The following CNKSR2 variants were observed in gnomAD, a reference collection of about 807,000 sequenced individuals.
CNKSR2 encodes the protein CNK homolog protein 2.
In CNKSR2, 14 loss-of-function variants were observed where a neutral mutation model predicts 84.4. That is an observed-to-expected ratio of 0.17 (90% CI 0.11 to 0.26). The LOEUF is 0.26. Ranked by LOEUF, CNKSR2 falls within the 10% of genes least tolerant of loss-of-function variation. The pLI is 1.00. For missense variants in CNKSR2, 485 were observed against 771.2 expected (o/e 0.63, Z 4.40); for synonymous variants, 275 against 277.9 (o/e 0.99, Z 0.10).
intron 8 of CNKSR2, among the ~76,000 whole-genome samples, chrX:21,512,503 C>T (rs1678364457): frequency 9.0e-6 from 1 of 111,417 alleles, no homozygotes; most frequent in Non-Finnish European, 1.9e-5. Flanking sequence ...CTTTGGAGAG[C>T]TATTAAAGGT....
intron 1 of CNKSR2, among the ~76,000 whole-genome samples, chrX:21,412,207 C>T (rs2090354632): frequency 9.0e-6 from 1 of 111,684 alleles, no homozygotes; most frequent in South Asian, 3.7e-4. Flanking sequence ...CAAGTTTGCC[C>T]TTTACAATGG....
chrX:21,450,077 G>A (rs998765954), intron 4 of CNKSR2, among the ~76,000 whole-genome samples: 1 of 111,433 alleles, frequency 9.0e-6, no homozygotes, highest in Non-Finnish European at 1.9e-5. Flanking sequence ...GTGTGTGTGT[G>A]TGTGTGTGAG....
At chrX:21,441,134 A>G (rs2090777521) in intron 4 of CNKSR2, 1 of 118,625 alleles carries the variant, frequency 8.4e-6, no homozygotes, top group African/African-American at 3.2e-5. Context: ...ATAAATGTTT[A>G]AATTAAGTCC....
At chrX:21,502,348 T>G (rs5951451) in intron 8 of CNKSR2, among the ~76,000 whole-genome samples, 1,711 of 107,004 alleles carry the variant, frequency 0.016, 19 homozygotes, top group Non-Finnish European at 0.026. Flanking sequence ...GTTGATTCAC[T>G]TTTTTCCACT....
At chrX:21,628,279 A>G (rs2092632885) in intron 20 of CNKSR2, among the ~76,000 whole-genome samples, 2 of 111,502 alleles carry the variant, frequency 1.8e-5, no homozygotes, top group Admixed American at 1.9e-4. Context: ...CTGCTTTCAC[A>G]GGCTGGCATT....
intron 20 of CNKSR2, among the ~76,000 whole-genome samples, chrX:21,633,003 A>AC (rs1961536964): frequency 9.0e-6 from 1 of 111,206 alleles, no homozygotes; most frequent in Non-Finnish European, 1.9e-5. Flanking sequence ...ACACACACAC[A>AC]CACACACACA....
At chrX:21,482,383 A>ACTTGTGCATGT (rs59407811) in intron 5 of CNKSR2, among the ~76,000 whole-genome samples, 9,823 of 111,444 alleles carry the variant, frequency 0.088, 1,060 homozygotes, top group African/African-American at 0.3. Context: ...TTGTTGTGTG[A>ACTTGTGCATGT]CACTTAACCT....
intron 13 of CNKSR2, among the ~76,000 whole-genome samples, chrX:21,589,907 T>A (rs1331765105): frequency 2.7e-5 from 3 of 111,072 alleles, no homozygotes; most frequent in Admixed American, 9.6e-5. Context: ...TATTAGAGAC[T>A]ATGTAAACCA....
At chrX:21,425,343 G>A (rs1228455114) in intron 1 of CNKSR2, 1 of 111,492 alleles carries the variant, frequency 9.0e-6, no homozygotes, top group Non-Finnish European at 1.9e-5. Context: ...AGATTGTATA[G>A]GGAGGCTACA....
chrX:21,593,549 G>C (rs764961785), intron 15 of CNKSR2: 2 of 112,070 alleles, frequency 1.8e-5, no homozygotes, highest in East Asian at 5.6e-4. Flanking sequence ...GCTTGATCAT[G>C]AGCAGAACAA....
chrX:21,519,838 A>G (rs1482600722), intron 9 of CNKSR2, among the ~76,000 whole-genome samples: 1 of 111,156 alleles, frequency 9.0e-6, no homozygotes, highest in Non-Finnish European at 1.9e-5. Context: ...GCACTGATAC[A>G]TGTATCTTTT....
chrX:21,586,431 A>G (rs757413223), intron 13 of CNKSR2, among the ~76,000 whole-genome samples: 2 of 111,785 alleles, frequency 1.8e-5, no homozygotes, highest in Non-Finnish European at 3.8e-5. Context: ...ACCCATTGCC[A>G]CCACTAAAAC....
chrX:21,624,942 T>TA lies in CNKSR2; in HGVS notation c.2692+15326dup, dbSNP rs770700987. On this transcript the variant is annotated intron_variant, in intron 20 of 21. Transcript: ENST00000379510. ...AGGTGGTTGTAACCCAATTAAATGA[T>TA]AGAAGCCATGAGGCTTGACTGAGTA... 1.6e-4 allele frequency among the ~76,000 whole-genome samples: 18 copies of TA among 112,314 alleles called. No individual in the cohort carries two copies. The South Asian group carries it at 6.6e-3, about 41-fold the overall frequency.
At chrX:21,570,375 C>G (rs1276973088) in intron 13 of CNKSR2, among the ~76,000 whole-genome samples, 3 of 112,434 alleles carry the variant, frequency 2.7e-5, no homozygotes, top group Non-Finnish European at 3.8e-5. Context: ...CTGCTAGCTT[C>G]CAGCTTTTCT....
At chrX:21,633,133 C>T (rs921292268) in intron 20 of CNKSR2, among the ~76,000 whole-genome samples, 5 of 110,522 alleles carry the variant, frequency 4.5e-5, no homozygotes, top group Non-Finnish European at 9.5e-5. Context: ...TTTTTGCCAT[C>T]CCCTCCCGGA....
intron 11 of CNKSR2, among the ~76,000 whole-genome samples, chrX:21,559,690 T>G (rs2092171151): frequency 9.0e-6 from 1 of 111,380 alleles, no homozygotes. Flanking sequence ...AGGACATGTT[T>G]ACTTCCTTGA....
At chrX:21,621,039 T>C (rs1020295844) in intron 20 of CNKSR2, among the ~76,000 whole-genome samples, 4 of 111,354 alleles carry the variant, frequency 3.6e-5, no homozygotes, top group African/African-American at 6.5e-5. Flanking sequence ...TTGCACATTG[T>C]ATATATCTCC....
chrX:21,626,667 A>G (rs1415772511), intron 20 of CNKSR2, among the ~76,000 whole-genome samples: 2 of 112,513 alleles, frequency 1.8e-5, no homozygotes, highest in Non-Finnish European at 3.8e-5. Flanking sequence ...AGAATTGGAT[A>G]TTGGGCTAAC....
chrX:21,391,273 C>T (rs2090046681), intron 1 of CNKSR2, among the ~76,000 whole-genome samples: 1 of 112,678 alleles, frequency 8.9e-6, no homozygotes. Context: ...TGTGTGGGCC[C>T]CACATTTCCC....
Sources: gnomAD v4.1 joint callset for allele counts (sites outside exome capture counted in the v4.1 genomes callset) on GRCh38, gnomAD v4.1.1 for gene constraint, MANE v1.5 for transcripts, NCBI Gene and HGNC (gene_info 2026-07-23, HGNC 2026-07-21) for gene names.